The following FLT1 variants were observed in gnomAD, a reference collection of about 807,000 sequenced individuals.
FLT1 encodes the protein fms related receptor tyrosine kinase 1.
FLT1 carries 49 observed loss-of-function variants against 156.3 expected under a neutral mutation model. The observed-to-expected ratio is 0.31, with a 90% CI of 0.25 to 0.40. The LOEUF is 0.40. FLT1 is among the 10% of genes least tolerant of loss of function. FLT1 has a pLI of 1.00. For missense variants in FLT1, 1,322 were observed against 1,637.2 expected (o/e 0.81, Z 3.32); for synonymous variants, 594 against 583.8 (o/e 1.02, Z -0.25).
At chr13:28,451,555 G>A (rs559857314) in intron 3 of FLT1, among the ~76,000 whole-genome samples, 2 of 152,220 alleles carry the variant, frequency 1.3e-5, no homozygotes, top group African/African-American at 4.8e-5. Context: ...GGGACACTGG[G>A]GACAGTGGGT....
chr13:28,458,283 T>C (rs1189856661), intron 3 of FLT1, among the ~76,000 whole-genome samples: 1 of 152,196 alleles, frequency 6.6e-6, no homozygotes, highest in East Asian at 1.9e-4. Context: ...TTAAATTGTG[T>C]CCAAGTGGCT....
chr13:28,326,520 CTTTTT>C (rs58719749), intron 20 of FLT1, among the ~76,000 whole-genome samples: 38 of 80,034 alleles, frequency 4.7e-4, no homozygotes, highest in South Asian at 5.4e-4. Flanking sequence ...CTCTCTCTCT[CTTTTT>C]TTTTTTTTTT....
chr13:28,479,983 A>G (rs912190661), intron 1 of FLT1, among the ~76,000 whole-genome samples: 5 of 152,234 alleles, frequency 3.3e-5, no homozygotes, highest in South Asian at 4.1e-4. Flanking sequence ...ACATAAAACC[A>G]AAAGGAACAG....
chr13:28,473,831 A>G (rs59055917), intron 1 of FLT1, among the ~76,000 whole-genome samples: 7,186 of 114,236 alleles, frequency 0.063, 377 homozygotes, highest in South Asian at 0.13. Flanking sequence ...AGAAAGAAAG[A>G]AAGAAAGGAA....
At chr13:28,437,078 A>T (rs1323405440) in intron 4 of FLT1, among the ~76,000 whole-genome samples, 1 of 152,236 alleles carries the variant, frequency 6.6e-6, no homozygotes, top group Non-Finnish European at 1.5e-5. Context: ...TCAAATGCCC[A>T]GTATGACCTG....
intron 17 of FLT1, among the ~76,000 whole-genome samples, chr13:28,334,954 A>G (rs11618014): frequency 0.036 from 5,508 of 152,090 alleles, 296 homozygotes; most frequent in Admixed American, 0.15. Context: ...ATCTGTTATT[A>G]CTGAATATTG....
Position 28,311,752 on chromosome 13 carries a change from G to T in FLT1, c.3493-20C>A. 6.2e-7 allele frequency: 1 copy of T among 1,613,394 alleles called. No individual in the cohort carries two copies. Among genetic ancestry groups the T allele is most frequent in the Non-Finnish European group, 8.5e-7 (1 of 1,179,436 alleles). ...ACCATCCTAAAATACCAAAGGTAGA[G>T]CTCTCGTTGCACCAATTCTGACTTC... is the stretch of plus-strand genomic sequence containing the variant. On this transcript the variant is annotated intron_variant, in intron 26 of 29. Coordinates refer to ENST00000282397, the MANE Select transcript of FLT1 (RefSeq NM_002019.4).
At chr13:28,317,967 GT>G (rs5802474) in intron 24 of FLT1, among the ~76,000 whole-genome samples, 1 of 151,440 alleles carries the variant, frequency 6.6e-6, no homozygotes, top group South Asian at 2.1e-4. Context: ...GTGAGCTTTT[GT>G]TTTTTTTGAA....
At chr13:28,426,445 G>A (rs1169121225) in intron 10 of FLT1, among the ~76,000 whole-genome samples, 6 of 152,198 alleles carry the variant, frequency 3.9e-5, no homozygotes, top group African/African-American at 1.4e-4. Flanking sequence ...AGTATCTACT[G>A]TGTGCCAGCC....
intron 26 of FLT1, 23 bp downstream of exon 26, chr13:28,311,970 G>A (rs1390525392): frequency 6.8e-7 from 1 of 1,474,606 alleles, no homozygotes; most frequent in Non-Finnish European, 9.5e-7. Context: ...AAGGCATTTT[G>A]ATGTAAATAA....
chr13:28,318,646 G>A (rs192279542), intron 24 of FLT1, among the ~76,000 whole-genome samples: 16 of 152,246 alleles, frequency 1.1e-4, no homozygotes, highest in South Asian at 1.0e-3. Flanking sequence ...GCCTGTCATC[G>A]AAAGCAGGGG....
intron 23 of FLT1, among the ~76,000 whole-genome samples, chr13:28,320,014 G>A: frequency 6.6e-6 from 1 of 152,194 alleles, no homozygotes; most frequent in East Asian, 1.9e-4. Flanking sequence ...GCATCAGAAA[G>A]AAGAGAAGAA....
intron 3 of FLT1, among the ~76,000 whole-genome samples, chr13:28,460,768 A>G (rs1461061716): frequency 6.7e-6 from 1 of 149,136 alleles, no homozygotes; most frequent in Non-Finnish European, 1.5e-5. Context: ...AACTTTCACA[A>G]AAAGAAATAC....
At chr13:28,309,737 A>G (rs1870917165) in intron 27 of FLT1, among the ~76,000 whole-genome samples, 1 of 151,550 alleles carries the variant, frequency 6.6e-6, no homozygotes, top group Non-Finnish European at 1.5e-5. Context: ...AGCTTTACAA[A>G]ATGATGACAC....
intron 3 of FLT1, among the ~76,000 whole-genome samples, chr13:28,465,541 C>G (rs1408460833): frequency 6.6e-6 from 1 of 151,150 alleles, no homozygotes; most frequent in Non-Finnish European, 1.5e-5. Flanking sequence ...CCTTATTTCA[C>G]AAATTAAAAA....
Position 28,319,361 on chromosome 13 carries a change from T to C in FLT1, c.3286+62A>G, listed in dbSNP as rs1871344266. On this transcript the variant is annotated intron_variant, in intron 24 of 29. Coordinates refer to ENST00000282397, the MANE Select transcript of FLT1 (RefSeq NM_002019.4). Reference sequence around the variant, plus strand: ...TAAAGGCTGTCTAACCAAAGGACATTCAGCAGAAGATGCAGACATTTATTT... The same window carrying C: ...TAAAGGCTGTCTAACCAAAGGACATCCAGCAGAAGATGCAGACATTTATTT... 4 of 1,110,126 alleles carry C rather than the reference T, an allele frequency of 3.6e-6. No homozygotes were observed. The South Asian group carries it at 3.9e-5, about 11-fold the overall frequency. 68.8% of individuals were successfully genotyped at this position (1,110,126 alleles called of 1,614,324 possible).
At chr13:28,459,735 A>AT (rs1213991905) in intron 3 of FLT1, among the ~76,000 whole-genome samples, 3 of 152,226 alleles carry the variant, frequency 2.0e-5, no homozygotes, top group Non-Finnish European at 4.4e-5. Flanking sequence ...TTGGAGGAGA[A>AT]TTTTGATGAA....
At chr13:28,377,246 A>C (rs1203316794) in intron 14 of FLT1, among the ~76,000 whole-genome samples, 2 of 152,192 alleles carry the variant, frequency 1.3e-5, no homozygotes, top group Non-Finnish European at 2.9e-5. Context: ...TTCTTTACTC[A>C]GTTCTAATTT....
intron 12 of FLT1, among the ~76,000 whole-genome samples, chr13:28,396,496 G>A (rs1875053340): frequency 6.6e-6 from 1 of 152,156 alleles, no homozygotes; most frequent in African/African-American, 2.4e-5. Flanking sequence ...ATAAAGCTCT[G>A]TTTCAGATTG....
Sources: gnomAD v4.1 joint callset for allele counts (sites outside exome capture counted in the v4.1 genomes callset) on GRCh38, gnomAD v4.1.1 for gene constraint, MANE v1.5 for transcripts, NCBI Gene and HGNC (gene_info 2026-07-23, HGNC 2026-07-21) for gene names.